ARHGAP32: variants seen among roughly 807,000 people sequenced by gnomAD.
ARHGAP32 encodes Rho GTPase activating protein 32.
In ARHGAP32, 51 loss-of-function variants were observed where a neutral mutation model predicts 186.5. That is an observed-to-expected ratio of 0.27 (90% CI 0.22 to 0.35). The LOEUF is 0.35. ARHGAP32 is among the 10% of genes least tolerant of loss of function. The pLI, the probability that ARHGAP32 is intolerant of heterozygous loss-of-function variation, is 1.00. For missense variants in ARHGAP32, 2,186 were observed against 2,623.5 expected (o/e 0.83, Z 3.64); for synonymous variants, 950 against 964.3 (o/e 0.99, Z 0.27).
In ARHGAP32 at chr11:129,064,356, C is replaced by G. The variant is rs534546923; in HGVS notation, c.763-332G>C. Reference sequence around the variant, plus strand: ...GCAGGTTGGCCCATAGTTCTATATTCTTTCCACTTTCCATCTTGCATTCCC... The same window carrying G: ...GCAGGTTGGCCCATAGTTCTATATTGTTTCCACTTTCCATCTTGCATTCCC... On this transcript the variant is annotated intron_variant, in intron 8 of 22. Transcript: ENST00000682385. Among the ~76,000 whole-genome samples, 57 of 152,228 alleles carry G rather than the reference C, an allele frequency of 3.7e-4. 1 individual carries two copies. The highest frequency in any genetic ancestry group is 1.5e-3 in the Admixed American group (23 of 15,278).
chr11:129,045,225 T>C (rs980675904), intron 10 of ARHGAP32, among the ~76,000 whole-genome samples: 1 of 152,210 alleles, frequency 6.6e-6, no homozygotes, highest in South Asian at 2.1e-4. Context: ...GCTACTATCC[T>C]GTCTCCTCCT....
intron 1 of ARHGAP32, among the ~76,000 whole-genome samples, chr11:129,183,799 T>C (rs1944103013): frequency 2.0e-5 from 3 of 152,132 alleles, no homozygotes; most frequent in African/African-American, 7.2e-5. Context: ...ACCACGATTC[T>C]GCCTCAGTGA....
At chr11:129,227,462 A>G (rs1944800692) in intron 1 of ARHGAP32, among the ~76,000 whole-genome samples, 1 of 119,692 alleles carries the variant, frequency 8.4e-6, no homozygotes, top group Admixed American at 9.2e-5. Flanking sequence ...ATTAAACATT[A>G]CATTGACAGT....
intron 1 of ARHGAP32, among the ~76,000 whole-genome samples, chr11:129,274,190 A>C (rs1484981348): frequency 6.6e-6 from 1 of 152,176 alleles, no homozygotes. Context: ...TTGTCCAGTA[A>C]AACTGAAAAT....
intron 1 of ARHGAP32, among the ~76,000 whole-genome samples, chr11:129,257,604 T>A (rs143991796): frequency 3.9e-5 from 6 of 152,136 alleles, no homozygotes; most frequent in African/African-American, 1.2e-4. Flanking sequence ...CAAAACTTTG[T>A]TGCTTAAAAA....
chr11:129,104,867 C>T (rs925483275), intron 5 of ARHGAP32, among the ~76,000 whole-genome samples: 2 of 152,120 alleles, frequency 1.3e-5, no homozygotes, highest in African/African-American at 2.4e-5. Flanking sequence ...AAGGAAAAAG[C>T]CACTTCAAAA....
Position 129,266,701 on chromosome 11 carries a change from C to A in ARHGAP32, c.-5+12445G>T, listed in dbSNP as rs1348364272. On this transcript the variant is annotated intron_variant, in intron 1 of 6. Transcript: ENST00000525234. ...TAGAACAGTACTGCTTAGACCTAAA[C>A]AATGGCACCCATCCTGGGCCTCAAG... is the stretch of plus-strand genomic sequence containing the variant. Among the ~76,000 whole-genome samples the A allele has an allele frequency of 2.0e-5, 3 of 152,194 alleles. No individual in the cohort carries two copies. The East Asian group carries it at 5.8e-4, about 29-fold the overall frequency.
chr11:129,240,577 C>T (rs1456583837), intron 1 of ARHGAP32, among the ~76,000 whole-genome samples: 1 of 152,290 alleles, frequency 6.6e-6, no homozygotes, highest in East Asian at 1.9e-4. Flanking sequence ...AGTTGAATTA[C>T]TCTTGCGGGC....
chr11:129,138,639 C>G (rs1942986984), intron 2 of ARHGAP32, among the ~76,000 whole-genome samples: 1 of 152,158 alleles, frequency 6.6e-6, no homozygotes, highest in Admixed American at 6.5e-5. Context: ...GTTTAACACA[C>G]TGTGTTCTGA....
intron 1 of ARHGAP32, among the ~76,000 whole-genome samples, chr11:129,200,388 T>C (rs1442435048): frequency 6.6e-6 from 1 of 152,212 alleles, no homozygotes; most frequent in Admixed American, 6.5e-5. Flanking sequence ...CAGTGGGTGA[T>C]AACTGAATCA....
At chr11:129,021,270 G>A (rs1469457496) in intron 11 of ARHGAP32, among the ~76,000 whole-genome samples, 1 of 152,014 alleles carries the variant, frequency 6.6e-6, no homozygotes, top group Non-Finnish European at 1.5e-5. Context: ...AGACACAGAA[G>A]AGGTAACAAC....
In ARHGAP32 at chr11:129,123,926, G is replaced by T. The variant is rs1199878305; in HGVS notation, c.321C>A (p.Ser107=). The change falls in exon 4 of 23, where the codon TCC becomes TCA. Residue 107 remains serine (S), a synonymous_variant. Coordinates refer to ENST00000682385, the MANE Select transcript of ARHGAP32 (RefSeq NM_001378024.1). The surrounding 1 kb of genome is among the most constrained non-coding windows in gnomAD (Gnocchi z 4.6). ...CACAGCCCATCAGTCCTGGAGTGGT[G>T]GACCTGAACGCAGAATGAACATTTT... The part of the protein sequence containing the change: ...ASMKVKHVKK[S]TTPGLMGCDN... The T allele has an allele frequency of 7.7e-7, 1 of 1,290,522 alleles. No individual in the cohort carries two copies. Among genetic ancestry groups the T allele is most frequent in the Non-Finnish European group, 1.0e-6 (1 of 989,716 alleles). The allele number at this position is 1,290,522 out of a possible 1,614,324, so 79.9% of individuals were successfully genotyped here.
intron 11 of ARHGAP32, among the ~76,000 whole-genome samples, chr11:129,007,080 G>A (rs951155901): frequency 4.6e-5 from 7 of 152,070 alleles, no homozygotes; most frequent in Non-Finnish European, 8.8e-5. Context: ...GCTCTTGTCA[G>A]CTTGTGGCGA....
intron 20 of ARHGAP32, among the ~76,000 whole-genome samples, chr11:128,975,316 T>C (rs919311732): frequency 1.3e-5 from 2 of 152,210 alleles, no homozygotes; most frequent in African/African-American, 4.8e-5. Context: ...GGTGTGACTT[T>C]GGGCAAGTTT....
chr11:129,208,667 C>CT (rs60437783), intron 1 of ARHGAP32, among the ~76,000 whole-genome samples: 46,619 of 142,780 alleles, frequency 0.33, 7,698 homozygotes, highest in Non-Finnish European at 0.38. Context: ...ATTTTCTTTT[C>CT]TTTTTTTTTT....
chr11:129,200,947 G>C (rs1057211090), intron 1 of ARHGAP32, among the ~76,000 whole-genome samples: 2 of 151,988 alleles, frequency 1.3e-5, no homozygotes, highest in Admixed American at 6.6e-5. Flanking sequence ...TTAAAAGAGA[G>C]TGCTAATCTA....
intron 1 of ARHGAP32, among the ~76,000 whole-genome samples, chr11:129,249,746 TCCA>T (rs1281309822): frequency 6.6e-6 from 1 of 152,022 alleles, no homozygotes; most frequent in East Asian, 1.9e-4. Flanking sequence ...ACATTTGATA[TCCA>T]CCACACCTTA....
intron 11 of ARHGAP32, among the ~76,000 whole-genome samples, chr11:129,039,231 C>A (rs1565390227): frequency 6.6e-6 from 1 of 152,196 alleles, no homozygotes; most frequent in Admixed American, 6.5e-5. Flanking sequence ...AGCAATCCCA[C>A]ACCTGGACAT....
chr11:129,227,532 A>C (rs1207510430), intron 1 of ARHGAP32, among the ~76,000 whole-genome samples: 1 of 152,038 alleles, frequency 6.6e-6, no homozygotes, highest in Non-Finnish European at 1.5e-5. Flanking sequence ...CAAGAAACAC[A>C]CTTTAAATAT....
Sources: allele counts gnomAD v4.1 joint callset (sites outside exome capture counted in the v4.1 genomes callset), GRCh38; gene constraint gnomAD v4.1.1; non-coding constraint Gnocchi (gnomAD v3.1); transcripts MANE v1.5; gene names NCBI Gene and HGNC (gene_info 2026-07-23, HGNC 2026-07-21).